Variants in MOV10L1 observed in about 807,000 individuals in gnomAD.
MOV10L1 encodes RNA helicase Mov10l1.
Under a neutral mutation model 143.8 loss-of-function variants are expected in MOV10L1, and 110 were observed. The observed-to-expected ratio is 0.76, with a 90% CI of 0.66 to 0.90. The LOEUF (loss-of-function observed/expected upper bound fraction) is 0.90, where lower values mean the gene tolerates loss of function less well. Ranked by LOEUF, MOV10L1 falls within the 40% of genes least tolerant of loss-of-function variation. The probability of loss-of-function intolerance (pLI) is 0.00; values close to 1 mark genes in which losing one functional copy is unlikely to be tolerated. For missense variants in MOV10L1, 1,406 were observed against 1,526.8 expected (o/e 0.92, Z 1.32); for synonymous variants, 593 against 581.1 (o/e 1.02, Z -0.29).
At chr22:50,101,626 C>T (rs2061747238) in intron 3 of MOV10L1, among the ~76,000 whole-genome samples, 1 of 151,944 alleles carries the variant, frequency 6.6e-6, no homozygotes, top group Admixed American at 6.6e-5. Flanking sequence ...ATTCTCTTGC[C>T]TCAGCTTCCT....
chr22:50,159,702 C>T lies in MOV10L1; in HGVS notation c.3241C>T (p.Arg1081Cys), dbSNP rs961981699. Residue 1081 changes from arginine (R) to cysteine (C), a missense_variant, in exon 24 of 27, where the codon CGT (arginine) becomes TGT (cysteine). By Grantham distance (180) the Arg-to-Cys change is radical. Coordinates refer to ENST00000262794, the MANE Select transcript of MOV10L1 (RefSeq NM_018995.3). The surrounding 1 kb of genome is among the most constrained non-coding windows in gnomAD (Gnocchi z 4.1). ...KQVEKIRILL[R>C]NVDLMDIKVG... Reference sequence around the variant, plus strand: ...GGTGGAGAAAATCAGAATTCTTTTGCGTAATGTTGATCTGATGGATATAAA... The same window carrying T: ...GGTGGAGAAAATCAGAATTCTTTTGTGTAATGTTGATCTGATGGATATAAA... 14 of 1,610,798 alleles carry T rather than the reference C, an allele frequency of 8.7e-6. No homozygotes were observed. The highest frequency in any genetic ancestry group is 5.0e-5 in the Admixed American group (3 of 59,820).
intron 22 of MOV10L1, among the ~76,000 whole-genome samples, chr22:50,156,847 T>A (rs1254596427): frequency 1.3e-5 from 2 of 152,230 alleles, no homozygotes; most frequent in Non-Finnish European, 2.9e-5. Flanking sequence ...GATATCTATT[T>A]GAGACCCTGC....
chr22:50,099,593 G>T lies in MOV10L1; in HGVS notation c.433G>T (p.Val145Leu), dbSNP rs1204313138. 1 of 1,608,834 alleles carries T rather than the reference G, an allele frequency of 6.2e-7. No homozygotes were observed. The change falls in exon 3 of 27, where the codon GTG (valine) becomes TTG (leucine). Residue 145 changes from valine (V) to leucine (L), a missense_variant. By Grantham distance (32) the Val-to-Leu change is conservative (BLOSUM62 1). This residue lies in a region of MOV10L1 where 1,233 missense variants were observed against 1,351.4 expected (regional missense o/e 0.91). Coordinates refer to ENST00000262794, the MANE Select transcript of MOV10L1 (RefSeq NM_018995.3). The part of the protein sequence containing the change: ...SQTTYFSLES[V>L]CEGFEPCKGD... ...GACCACCTACTTCTCTCTGGAGAGT[G>T]TGTGCGAAGGTATGCTCAGGGGTCT...
rs773994274 is a variant in MOV10L1 at position 50,099,434 on chromosome 22, G to C, written c.283-9G>C. 2 of 1,613,080 alleles carry C rather than the reference G, an allele frequency of 1.2e-6. No homozygotes were observed. Among genetic ancestry groups the C allele is most frequent in the Non-Finnish European group, 1.7e-6 (2 of 1,179,218 alleles). On this transcript the variant is annotated splice_polypyrimidine_tract_variant and intron_variant, in intron 2 of 26. Transcript: ENST00000262794. ...TATTATGGTTTAGAGCGGTGTGTTT[G>C]TTTTACAGGTAGAAGCTGTCTCTGA...
intron 13 of MOV10L1, among the ~76,000 whole-genome samples, chr22:50,132,791 G>A (rs1343118888): frequency 6.6e-6 from 1 of 152,000 alleles, no homozygotes; most frequent in Non-Finnish European, 1.5e-5. Flanking sequence ...TCCCAGCACT[G>A]TGGGAGGCCA....
chr22:50,144,766 A>G (rs896724227), intron 18 of MOV10L1, among the ~76,000 whole-genome samples: 4 of 151,834 alleles, frequency 2.6e-5, no homozygotes, highest in African/African-American at 9.7e-5. Flanking sequence ...TATTTTTAGT[A>G]GAGACGGAGT....
chr22:50,113,572 A>C (rs1357573747), intron 5 of MOV10L1, 76 bp from the exon 6 acceptor site: 3 of 1,561,332 alleles, frequency 1.9e-6, no homozygotes, highest in African/African-American at 2.7e-5. Flanking sequence ...CCAGCAGTCT[A>C]TCCTCAGGAG....
chr22:50,108,056 G>A (rs117054355), intron 3 of MOV10L1, 80 bp from the exon 4 acceptor site: 29,184 of 1,255,262 alleles, frequency 0.023, 381 homozygotes, highest in Non-Finnish European at 0.028. Flanking sequence ...AGGTATGATA[G>A]AAATGATTTC....
chr22:50,099,660 G>C, intron 3 of MOV10L1, 58 bp downstream of exon 3: 1 of 1,559,472 alleles, frequency 6.4e-7, no homozygotes, highest in Non-Finnish European at 8.7e-7. Context: ...TTAAAGAATT[G>C]TTATGGACCA....
chr22:50,150,037 C>T (rs1421317301), intron 20 of MOV10L1, among the ~76,000 whole-genome samples: 2 of 152,204 alleles, frequency 1.3e-5, no homozygotes, highest in African/African-American at 4.8e-5. Flanking sequence ...GCCAGTGCTC[C>T]TGCATCTGAC....
intron 22 of MOV10L1, 103 bp downstream of exon 22, chr22:50,153,321 C>T (rs906275047): frequency 3.9e-5 from 53 of 1,344,080 alleles, no homozygotes; most frequent in South Asian, 1.3e-4. Flanking sequence ...TGTGGCGGGG[C>T]AGATGTTCTG....
intron 15 of MOV10L1, among the ~76,000 whole-genome samples, chr22:50,140,606 T>C (rs2062955735): frequency 6.6e-6 from 1 of 152,228 alleles, no homozygotes. Context: ...TTAAAAAGTT[T>C]ACGAGTTTGT....
At chr22:50,097,349 T>C (rs917317295) in intron 2 of MOV10L1, among the ~76,000 whole-genome samples, 1 of 152,202 alleles carries the variant, frequency 6.6e-6, no homozygotes, top group African/African-American at 2.4e-5. Flanking sequence ...GCTCAAGTGA[T>C]CCGCCCATCC....
intron 10 of MOV10L1, among the ~76,000 whole-genome samples, chr22:50,121,119 A>G (rs909992910): frequency 6.6e-6 from 1 of 152,158 alleles, no homozygotes; most frequent in South Asian, 2.1e-4. Flanking sequence ...TGGCAGTTTG[A>G]GGGGAGAACA....
intron 15 of MOV10L1, among the ~76,000 whole-genome samples, chr22:50,141,536 C>T (rs1313128291): frequency 2.8e-5 from 4 of 144,834 alleles, no homozygotes; most frequent in East Asian, 2.0e-4. Context: ...AACAGGGTTT[C>T]ACCATGTTGC....
intron 3 of MOV10L1, among the ~76,000 whole-genome samples, chr22:50,105,241 G>A (rs2061839491): frequency 6.6e-6 from 1 of 152,106 alleles, no homozygotes; most frequent in Non-Finnish European, 1.5e-5. Context: ...TGTTTTCATA[G>A]GTACTGTCTT....
chr22:50,117,077 C>T (rs1414789739), intron 8 of MOV10L1, 80 bp from the exon 9 acceptor site: 16 of 1,330,612 alleles, frequency 1.2e-5, no homozygotes, highest in Non-Finnish European at 1.5e-5. Context: ...TGTCACTTTT[C>T]TTGTATGTAC....
In MOV10L1 at chr22:50,158,377, C is replaced by A; in HGVS notation, c.3216+171C>A. 2 of 755,644 alleles carry A rather than the reference C, an allele frequency of 2.6e-6. No homozygotes were observed. The highest frequency in any genetic ancestry group is 4.1e-6 in the Non-Finnish European group (2 of 485,408). The allele number at this position is 755,644 out of a possible 1,614,324, so 46.8% of individuals were successfully genotyped here. A position where few individuals can be genotyped will look rare whatever the true frequency, so the allele number is the denominator to read the frequency against. On this transcript the variant is annotated intron_variant, in intron 23 of 26. Transcript: ENST00000262794. The surrounding 1 kb of genome is among the most constrained non-coding windows in gnomAD (Gnocchi z 5.0). Reference sequence around the variant, plus strand: ...ACATGAGAGGTCACCCAACTGCCATCCATGGGCCAGTTCCGGGCAGCTGCC... The same window carrying A: ...ACATGAGAGGTCACCCAACTGCCATACATGGGCCAGTTCCGGGCAGCTGCC...
At chr22:50,118,381 GGCACA>G (rs1486037850) in intron 9 of MOV10L1, among the ~76,000 whole-genome samples, 3 of 152,130 alleles carry the variant, frequency 2.0e-5, no homozygotes, top group African/African-American at 7.2e-5. Context: ...GCAGTTTTCT[GGCACA>G]AAGCAATCAC....
Sources: gnomAD v4.1 joint callset for allele counts (sites outside exome capture counted in the v4.1 genomes callset) on GRCh38, gnomAD v4.1.1 for gene constraint, gnomAD v4.1.1 regional missense constraint, Gnocchi (gnomAD v3.1) non-coding constraint, MANE v1.5 for transcripts, NCBI Gene and HGNC (gene_info 2026-07-23, HGNC 2026-07-21) for gene names.